EEFSEC: variants seen among roughly 807,000 people sequenced by gnomAD.
EEFSEC encodes the protein selenocysteine-specific elongation factor.
EEFSEC carries 43 observed loss-of-function variants against 42.1 expected under a neutral mutation model. The observed-to-expected ratio is 1.02, with a 90% confidence interval of 0.80 to 1.32. The LOEUF (loss-of-function observed/expected upper bound fraction) is 1.32, where lower values mean the gene tolerates loss of function less well. Ranked by LOEUF, EEFSEC falls within the 40% of genes most tolerant of loss-of-function variation. The pLI is 0.00. For missense variants in EEFSEC, 745 were observed against 803.6 expected, an observed-to-expected ratio of 0.93 and a Z score of 0.88; for synonymous variants, 354 against 339.1, an observed-to-expected ratio of 1.04 and a Z score of -0.48.
At chr3:128,424,031 A>AG in the EEFSEC span, among the ~76,000 whole-genome samples, 8 of 152,256 alleles carry the variant, frequency 5.3e-5, no homozygotes, top group African/African-American at 1.9e-4. Flanking sequence ...AACGACACCC[A>AG]GAAACACCAC....
intron 2 of EEFSEC, among the ~76,000 whole-genome samples, chr3:128,247,682 T>C (rs939320809): frequency 6.6e-6 from 1 of 152,164 alleles, no homozygotes; most frequent in African/African-American, 2.4e-5. Context: ...TAGGAAGTTA[T>C]TAAGGAATTT....
intron 4 of EEFSEC, among the ~76,000 whole-genome samples, chr3:128,328,524 G>T (rs989588791): frequency 6.6e-6 from 1 of 152,216 alleles, no homozygotes; most frequent in African/African-American, 2.4e-5. Flanking sequence ...GATAACAATG[G>T]AATGTCATAA....
intron 4 of EEFSEC, among the ~76,000 whole-genome samples, chr3:128,294,842 C>T (rs988449793): frequency 1.3e-5 from 2 of 152,124 alleles, no homozygotes; most frequent in Non-Finnish European, 2.9e-5. Context: ...CATTTTTGTT[C>T]GAATTAGAAT....
chr3:128,364,014 G>A (rs2067559275), intron 6 of EEFSEC, among the ~76,000 whole-genome samples: 1 of 152,066 alleles, frequency 6.6e-6, no homozygotes, highest in Admixed American at 6.5e-5. Context: ...TTAAAACAAG[G>A]GGGCCAGGCA....
chr3:128,349,988 G>C (rs2067363583), intron 5 of EEFSEC, among the ~76,000 whole-genome samples: 1 of 152,242 alleles, frequency 6.6e-6, no homozygotes, highest in African/African-American at 2.4e-5. Flanking sequence ...TTCCACAGTG[G>C]TGGGATAAGG....
In EEFSEC at chr3:128,287,322, G is replaced by C. The variant is rs953505562; in HGVS notation, c.786+22541G>C. 5.3e-5 allele frequency among the ~76,000 whole-genome samples: 8 copies of C among 152,132 alleles called. No individual in the cohort carries two copies. In the South Asian group the frequency reaches 1.2e-3, roughly 24 times the overall value. ...GGCAGGCGGGCTTGTGCAGCCATGG[G>C]GGGAGGAAGGAATGAGATCAAGAAT... On this transcript the variant is annotated intron_variant, in intron 4 of 6. Coordinates refer to ENST00000254730, the MANE Select transcript of EEFSEC (RefSeq NM_021937.5).
At chr3:128,258,702 T>C (rs1369750889) in intron 2 of EEFSEC, among the ~76,000 whole-genome samples, 2 of 152,248 alleles carry the variant, frequency 1.3e-5, no homozygotes. Flanking sequence ...GTCATAGTAT[T>C]GGGTACTATA....
At chr3:128,355,071 G>A (rs1334122683) in intron 5 of EEFSEC, among the ~76,000 whole-genome samples, 1 of 152,140 alleles carries the variant, frequency 6.6e-6, no homozygotes, top group African/African-American at 2.4e-5. Flanking sequence ...TCTACCTCCC[G>A]GCGTCTTCCC....
intron 4 of EEFSEC, among the ~76,000 whole-genome samples, chr3:128,316,745 C>A (rs1171300359): frequency 1.3e-5 from 2 of 152,164 alleles, no homozygotes; most frequent in African/African-American, 4.8e-5. Context: ...AGCTCGGTGC[C>A]GCCAGCACCG....
At chr3:128,406,699 A>T (rs965050658) in intron 6 of EEFSEC, among the ~76,000 whole-genome samples, 2 of 152,024 alleles carry the variant, frequency 1.3e-5, no homozygotes, top group African/African-American at 4.8e-5. Flanking sequence ...TGTGGTCCCC[A>T]CTACTCAGGA....
chr3:128,360,665 C>T (rs1310273692), intron 6 of EEFSEC, among the ~76,000 whole-genome samples: 3 of 110,878 alleles, frequency 2.7e-5, no homozygotes, highest in East Asian at 2.9e-4. Context: ...GGTGCTGGGG[C>T]GGGAGTGGAG....
intron 1 of EEFSEC, among the ~76,000 whole-genome samples, chr3:128,227,041 T>A (rs2065914952): frequency 6.6e-6 from 1 of 152,162 alleles, no homozygotes; most frequent in Non-Finnish European, 1.5e-5. Flanking sequence ...GTCCCTCTGG[T>A]TGCTTGCTTG....
chr3:128,389,713 G>A (rs1356965802), intron 6 of EEFSEC, among the ~76,000 whole-genome samples: 3 of 152,282 alleles, frequency 2.0e-5, no homozygotes, highest in Non-Finnish European at 2.9e-5. Flanking sequence ...AGGGAGCATG[G>A]CATGCTTGAC....
At chr3:128,213,032 C>G (rs1186475329) in intron 1 of EEFSEC, among the ~76,000 whole-genome samples, 2 of 152,210 alleles carry the variant, frequency 1.3e-5, no homozygotes, top group African/African-American at 4.8e-5. Flanking sequence ...CTGACAAATT[C>G]TCATTGACCC....
rs748513163 is a variant in EEFSEC at position 128,358,317 on chromosome 3, T to C, written c.1544T>C (p.Leu515Pro). ...AAGGTGCACTTGTCCACTGGGGAAC[T>C]GGGCATCATCGACAGTGCCTTCGGC... ...GLKVHLSTGELGIIDSAFGQS... is the reference protein window; with the variant it reads ...GLKVHLSTGEPGIIDSAFGQS... Residue 515 changes from leucine (L) to proline (P), a missense_variant, in exon 6 of 7, where the codon CTG becomes CCG. Leu to Pro is a moderately conservative substitution (Grantham distance 98). Transcript: ENST00000254730. The C allele has an allele frequency of 6.8e-6, 11 of 1,614,246 alleles. No individual in the cohort carries two copies. Among genetic ancestry groups the C allele is most frequent in the Admixed American group, 1.7e-5 (1 of 60,030 alleles).
At chr3:128,236,582 AT>A (rs56164812) in intron 1 of EEFSEC, among the ~76,000 whole-genome samples, 71,482 of 152,008 alleles carry the variant, frequency 0.47, 19,644 homozygotes, top group Non-Finnish European at 0.61. Context: ...TTTAATTTGC[AT>A]TTTTTTGTTA....
At chr3:128,418,126 G>A in the EEFSEC span, among the ~76,000 whole-genome samples, 41 of 152,176 alleles carry the variant, frequency 2.7e-4, no homozygotes, top group African/African-American at 9.4e-4. Flanking sequence ...GGAGTCCCCA[G>A]ACCAGACTGG....
chr3:128,400,749 G>A (rs983954304), intron 6 of EEFSEC, among the ~76,000 whole-genome samples: 1 of 152,236 alleles, frequency 6.6e-6, no homozygotes, highest in Admixed American at 6.5e-5. Context: ...GCAATTTGCC[G>A]GCCTTTGATG....
intron 1 of EEFSEC, among the ~76,000 whole-genome samples, chr3:128,229,219 G>A (rs1015030051): frequency 6.6e-6 from 1 of 152,152 alleles, no homozygotes; most frequent in African/African-American, 2.4e-5. Flanking sequence ...ATGATACTAG[G>A]TGTGGGGCCT....
Sources: allele counts gnomAD v4.1 joint callset (sites outside exome capture counted in the v4.1 genomes callset), GRCh38; gene constraint gnomAD v4.1.1; transcripts MANE v1.5; gene names NCBI Gene and HGNC (gene_info 2026-07-23, HGNC 2026-07-21).